The following SLC26A7 variants were observed in gnomAD, a reference collection of about 807,000 sequenced individuals.
The protein encoded by SLC26A7 is solute carrier family 26 member 7, also known as anion exchange transporter.
Under a neutral mutation model 82.5 loss-of-function variants are expected in SLC26A7, and 59 were observed. The ratio of observed to expected loss-of-function variants is 0.72; its 90% confidence interval spans 0.58 to 0.89. The LOEUF is 0.89. Ranked by LOEUF, SLC26A7 falls within the 40% of genes least tolerant of loss-of-function variation. SLC26A7 has a pLI of 0.00. For synonymous variants in SLC26A7, 271 were observed against 274.3 expected (o/e 0.99, Z 0.12); for missense variants, 820 against 793.0 (o/e 1.03, Z -0.41).
intron 4 of SLC26A7, among the ~76,000 whole-genome samples, chr8:91,313,860 T>C (rs1351730483): frequency 6.6e-6 from 1 of 152,248 alleles, no homozygotes; most frequent in African/African-American, 2.4e-5. Context: ...TAAAATACAT[T>C]CTATATTCTA....
At chr8:91,366,527 A>G in intron 13 of SLC26A7, 53 bp from the exon 14 acceptor site, 1 of 1,574,438 alleles carries the variant, frequency 6.4e-7, no homozygotes, top group South Asian at 1.2e-5. Context: ...CTGATTGTTT[A>G]TTGGCTATAA....
At chr8:91,333,048 G>A (rs556767384) in intron 5 of SLC26A7, among the ~76,000 whole-genome samples, 2 of 152,082 alleles carry the variant, frequency 1.3e-5, no homozygotes, top group Admixed American at 6.6e-5. Context: ...ATTGCATTTG[G>A]CTGGTTATTA....
intron 2 of SLC26A7, among the ~76,000 whole-genome samples, chr8:91,221,524 A>G (rs758680130): frequency 1.3e-5 from 2 of 152,182 alleles, no homozygotes; most frequent in Non-Finnish European, 2.9e-5. Flanking sequence ...TTAAGTCTTT[A>G]ATCCATCTTG....
intron 2 of SLC26A7, among the ~76,000 whole-genome samples, chr8:91,282,264 G>A (rs1329274034): frequency 2.0e-5 from 3 of 152,130 alleles, no homozygotes; most frequent in Non-Finnish European, 4.4e-5. Flanking sequence ...AGTCAGCTGA[G>A]GTTTGAGAAG....
chr8:91,365,271 C>A (rs1447741330), intron 13 of SLC26A7, among the ~76,000 whole-genome samples: 1 of 152,160 alleles, frequency 6.6e-6, no homozygotes, highest in Admixed American at 6.5e-5. Flanking sequence ...TTGTCTTGGG[C>A]CACACATAAA....
At chr8:91,239,730 G>A (rs148662926) in intron 2 of SLC26A7, among the ~76,000 whole-genome samples, 1 of 152,168 alleles carries the variant, frequency 6.6e-6, no homozygotes, top group African/African-American at 2.4e-5. Flanking sequence ...ATTCATCTTT[G>A]TTGACATAGG....
chr8:91,300,685 C>A (rs1206144207), intron 4 of SLC26A7, among the ~76,000 whole-genome samples: 19 of 152,214 alleles, frequency 1.2e-4, no homozygotes, highest in Admixed American at 1.2e-3. Context: ...GCGTGAGCCA[C>A]CGCGCCCGGC....
At chr8:91,317,295 T>C (rs1812664599) in intron 4 of SLC26A7, among the ~76,000 whole-genome samples, 3 of 152,176 alleles carry the variant, frequency 2.0e-5, no homozygotes, top group South Asian at 2.1e-4. Context: ...GGTTTTGAGA[T>C]GGAGGATGTT....
chr8:91,263,614 T>A (rs1811028844), intron 2 of SLC26A7, among the ~76,000 whole-genome samples: 1 of 152,068 alleles, frequency 6.6e-6, no homozygotes, highest in Non-Finnish European at 1.5e-5. Context: ...CCCTTTCTTC[T>A]GGGCTTTGCC....
chr8:91,381,642 G>A (rs1045436812), intron 15 of SLC26A7, among the ~76,000 whole-genome samples: 3 of 152,074 alleles, frequency 2.0e-5, no homozygotes, highest in African/African-American at 4.8e-5. Flanking sequence ...CTGGGTCCTC[G>A]TGAAACTCTT....
chr8:91,287,767 A>T (rs559892828), intron 2 of SLC26A7, among the ~76,000 whole-genome samples: 1 of 152,332 alleles, frequency 6.6e-6, no homozygotes, highest in African/African-American at 2.4e-5. Context: ...AAAGTTGCTT[A>T]CACTAAAAAT....
At chr8:91,231,663 G>A (rs2130674615) in intron 2 of SLC26A7, among the ~76,000 whole-genome samples, 1 of 151,876 alleles carries the variant, frequency 6.6e-6, no homozygotes, top group South Asian at 2.1e-4. Context: ...TGCAGCTTCT[G>A]GTGGATTATT....
intron 2 of SLC26A7, among the ~76,000 whole-genome samples, chr8:91,243,164 C>T (rs1484080822): frequency 6.6e-6 from 1 of 152,066 alleles, no homozygotes; most frequent in African/African-American, 2.4e-5. Context: ...CAAGCTGTAG[C>T]AGGTCATAGG....
chr8:91,304,409 C>T (rs759690728), intron 4 of SLC26A7, among the ~76,000 whole-genome samples: 6 of 152,156 alleles, frequency 3.9e-5, no homozygotes, highest in Non-Finnish European at 5.9e-5. Flanking sequence ...TTCTATCTCT[C>T]TCCTGCCACC....
intron 9 of SLC26A7, 28 bp downstream of exon 9, chr8:91,343,494 G>A: frequency 6.6e-7 from 1 of 1,509,244 alleles, no homozygotes; most frequent in African/African-American, 1.4e-5. Context: ...CAGGGACAAA[G>A]CACTGCTGGG....
chr8:91,226,388 A>G (rs1810240741), intron 2 of SLC26A7, among the ~76,000 whole-genome samples: 1 of 152,218 alleles, frequency 6.6e-6, no homozygotes, highest in Non-Finnish European at 1.5e-5. Flanking sequence ...TTATTAAATG[A>G]AAAAATGGAG....
chr8:91,272,623 G>A (rs916269882), intron 2 of SLC26A7, among the ~76,000 whole-genome samples: 8 of 152,192 alleles, frequency 5.3e-5, no homozygotes, highest in African/African-American at 1.9e-4. Context: ...AACGTATGCA[G>A]TGACAAGAAG....
chr8:91,243,458 A>C (rs1810500943), intron 2 of SLC26A7, among the ~76,000 whole-genome samples: 1 of 152,142 alleles, frequency 6.6e-6, no homozygotes, highest in African/African-American at 2.4e-5. Context: ...GTGGGGGTGG[A>C]GGATAACTCA....
At chr8:91,237,387 C>T (rs1317668980) in intron 2 of SLC26A7, among the ~76,000 whole-genome samples, 1 of 152,186 alleles carries the variant, frequency 6.6e-6, no homozygotes, top group East Asian at 1.9e-4. Context: ...CTAAATCTGG[C>T]AATGCTTAGC....
Sources: allele counts gnomAD v4.1 joint callset (sites outside exome capture counted in the v4.1 genomes callset), GRCh38; gene constraint gnomAD v4.1.1; transcripts MANE v1.5; gene names NCBI Gene and HGNC (gene_info 2026-07-23, HGNC 2026-07-21).